CAMTA1: variants seen among roughly 807,000 people sequenced by gnomAD.
CAMTA1 encodes calmodulin binding transcription activator 1, also known as calmodulin-binding transcription activator 1.
A neutral mutation model predicts 170.9 loss-of-function variants in CAMTA1; 27 were observed. That is an observed-to-expected ratio of 0.16 (90% CI 0.12 to 0.22). The LOEUF (loss-of-function observed/expected upper bound fraction) is 0.22. Among genes scored for constraint, CAMTA1 ranks in the 10% least tolerant of loss-of-function variants. The probability of loss-of-function intolerance (pLI) is 1.00; values close to 1 mark genes in which losing one functional copy is unlikely to be tolerated. For synonymous variants in CAMTA1, 833 were observed against 891.5 expected (o/e 0.93, Z 1.17); for missense variants, 1,619 against 2,217.2 (o/e 0.73, Z 5.42).
At chr1:6,909,922 C>T (rs1262504841) in intron 3 of CAMTA1, among the ~76,000 whole-genome samples, 1 of 152,230 alleles carries the variant, frequency 6.6e-6, no homozygotes, top group Non-Finnish European at 1.5e-5. Context: ...CCTGCCTCTG[C>T]ATGTACTTAG....
intron 5 of CAMTA1, among the ~76,000 whole-genome samples, chr1:7,335,124 T>TTGTGTGTGTGTG (rs577353689): frequency 5.2e-5 from 1 of 19,178 alleles, no homozygotes; most frequent in African/African-American, 2.0e-4. Context: ...AGCACAGCTT[T>TTGTGTGTGTGTG]TGTGTGTGTG....
In CAMTA1 at chr1:7,635,234, C is replaced by T. The variant is rs1378564907; in HGVS notation, c.511-5166C>T. Among the ~76,000 whole-genome samples, 1 of 152,178 alleles carries T rather than the reference C, an allele frequency of 6.6e-6. No homozygotes were observed. Among genetic ancestry groups the T allele is most frequent in the Non-Finnish European group, 1.5e-5 (1 of 68,030 alleles). On this transcript the variant is annotated intron_variant, in intron 6 of 22. Coordinates refer to ENST00000303635, the MANE Select transcript of CAMTA1 (RefSeq NM_015215.4). The surrounding 1 kb of genome is among the most constrained non-coding windows in gnomAD (Gnocchi z 4.4). ...TCTTCCCTCCCTGAACCCACAGGGCCTGACAGGGTGGTGAACCCCACGGAA... is the reference window on the plus strand; with the variant it reads ...TCTTCCCTCCCTGAACCCACAGGGCTTGACAGGGTGGTGAACCCCACGGAA...
chr1:7,752,487 C>G lies in CAMTA1; in HGVS notation c.4912C>G (p.Gln1638Glu), dbSNP rs778278187. The G allele has an allele frequency of 3.1e-6, 5 of 1,613,104 alleles. No homozygotes were observed. The highest frequency in any genetic ancestry group is 4.2e-6 in the Non-Finnish European group (5 of 1,179,638). The change falls in exon 21 of 23, where the codon CAA becomes GAA. Residue 1638 changes from glutamine to glutamate, a missense_variant. Physicochemically the swap from Gln to Glu is conservative, Grantham distance 29. This residue lies in a region of CAMTA1 where 128 missense variants were observed against 213.5 expected (regional missense o/e 0.60). Coordinates refer to ENST00000303635, the MANE Select transcript of CAMTA1 (RefSeq NM_015215.4). ...CAGTTTGCTAACCAAAAAGCAGGAT[C>G]AAGCTGCTCGAAAAATAATGAGGTT... is the stretch of plus-strand genomic sequence containing the variant. ...RSSLLTKKQD[Q>E]AARKIMRFLR...
Position 7,583,109 on chromosome 1 carries a change from C to T in CAMTA1, c.511-57291C>T, listed in dbSNP as rs565238057. On this transcript the variant is annotated intron_variant, in intron 6 of 22. Transcript: ENST00000303635. ...TGGGCACATCCCAGTGGTGAGGCAG[C>T]GCCCTGTCTTTATCAGCAGGGAGCA... Among the ~76,000 whole-genome samples the T allele has an allele frequency of 1.1e-4, 17 of 152,166 alleles. No homozygotes were observed. The East Asian group carries it at 2.5e-3, about 23-fold the overall frequency.
chr1:7,550,278 C>T (rs536825431), intron 6 of CAMTA1, among the ~76,000 whole-genome samples: 1 of 152,234 alleles, frequency 6.6e-6, no homozygotes, highest in South Asian at 2.1e-4. Flanking sequence ...TTTGGAGACC[C>T]TGGTCTGGGA....
chr1:7,337,496 TCA>T (rs1335525179), intron 5 of CAMTA1, among the ~76,000 whole-genome samples: 2 of 67,628 alleles, frequency 3.0e-5, no homozygotes, highest in Non-Finnish European at 5.5e-5. Flanking sequence ...CCTCATCCAA[TCA>T]CAGTGTGGGC....
rs1430636835 is a variant in CAMTA1 at position 7,050,249 on chromosome 1, G to A, written c.235-41055G>A. On this transcript the variant is annotated intron_variant, in intron 3 of 22. Transcript: ENST00000303635. This position sits in a 1 kb window ranked among gnomAD's most constrained non-coding sequence, Gnocchi z 4.8. ...CCTCCATGGTGGTGAAGGGCTGGGG[G>A]TAGGACCACAGCCTCCTTGTCTTGC... Among the ~76,000 whole-genome samples, 2 of 152,188 alleles carry A rather than the reference G, an allele frequency of 1.3e-5. No homozygotes were observed. Among genetic ancestry groups the A allele is most frequent in the African/African-American group, 4.8e-5 (2 of 41,442 alleles).
intron 5 of CAMTA1, chr1:7,382,664 C>T (rs1448330561): frequency 6.6e-6 from 1 of 152,228 alleles, no homozygotes; most frequent in Non-Finnish European, 1.5e-5. Flanking sequence ...GACTCAAACC[C>T]AGATCCCTCC....
At chr1:7,495,719 G>A (rs1236893412) in intron 6 of CAMTA1, among the ~76,000 whole-genome samples, 1 of 152,218 alleles carries the variant, frequency 6.6e-6, no homozygotes, top group Non-Finnish European at 1.5e-5. Flanking sequence ...GGTGCGGAAT[G>A]AAAATTCCTA....
chr1:7,436,397 G>C (rs1158789202), intron 5 of CAMTA1, among the ~76,000 whole-genome samples: 1 of 152,220 alleles, frequency 6.6e-6, no homozygotes, highest in Non-Finnish European at 1.5e-5. Flanking sequence ...CCAGGCAGCA[G>C]ACTTAATGCT....
chr1:7,486,003 A>G (rs1351851255), intron 6 of CAMTA1, among the ~76,000 whole-genome samples: 3 of 152,234 alleles, frequency 2.0e-5, no homozygotes, highest in African/African-American at 7.2e-5. Context: ...TTAATTAGAT[A>G]AAAGATCATT....
chr1:6,909,590 T>C (rs1679281639), intron 3 of CAMTA1, among the ~76,000 whole-genome samples: 2 of 152,152 alleles, frequency 1.3e-5, no homozygotes. Flanking sequence ...CTGTATGGGA[T>C]TGGCGCAGCC....
In CAMTA1 at chr1:7,297,957, C is replaced by G. The variant is rs140344509; in HGVS notation, c.438+48331C>G. Reference sequence around the variant, plus strand: ...CAATATCTATTTGGTTTAATGTTTACCATTCCTTCCCATTCCCTATACCAG... The same window carrying G: ...CAATATCTATTTGGTTTAATGTTTAGCATTCCTTCCCATTCCCTATACCAG... On this transcript the variant is annotated intron_variant, in intron 5 of 22. Coordinates refer to ENST00000303635, the MANE Select transcript of CAMTA1 (RefSeq NM_015215.4). Among the ~76,000 whole-genome samples the G allele has an allele frequency of 6.0e-3, 909 of 152,300 alleles. 13 individuals carry two copies. Among genetic ancestry groups the G allele is most frequent in the African/African-American group, 0.021 (852 of 41,546 alleles).
At chr1:7,651,754 A>G (rs1194718016) in intron 7 of CAMTA1, among the ~76,000 whole-genome samples, 1 of 152,270 alleles carries the variant, frequency 6.6e-6, no homozygotes, top group Non-Finnish European at 1.5e-5. Flanking sequence ...TGAAGAAACT[A>G]AGATCCAGAG....
chr1:7,473,642 A>G (rs1037634796), intron 6 of CAMTA1, among the ~76,000 whole-genome samples: 1 of 152,164 alleles, frequency 6.6e-6, no homozygotes, highest in Non-Finnish European at 1.5e-5. Flanking sequence ...GGGCCCCCTC[A>G]CTGCTGAAGA....
intron 5 of CAMTA1, among the ~76,000 whole-genome samples, chr1:7,445,960 C>T (rs2092669781): frequency 6.6e-6 from 1 of 152,048 alleles, no homozygotes. Flanking sequence ...GCCACAGATG[C>T]CTGGCGTGAC....
Position 7,664,916 on chromosome 1 carries a change from T to C in CAMTA1, c.2369T>C (p.Ile790Thr). ...TCCGTGGAGGGGGGCAGCAGCACCATCTATGGGCACCAGCTGGTGTCGGGG... is the reference window on the plus strand; with the variant it reads ...TCCGTGGAGGGGGGCAGCAGCACCACCTATGGGCACCAGCTGGTGTCGGGG... ...FISVEGGSSTIYGHQLVSGDS... is the reference protein window; with the variant it reads ...FISVEGGSSTTYGHQLVSGDS... Residue 790 changes from isoleucine (I) to threonine (T), a missense_variant, in exon 9 of 23, where the codon ATC becomes ACC. Ile to Thr is a moderately conservative substitution (Grantham distance 89). Transcript: ENST00000303635. 6.2e-7 allele frequency: 1 copy of C among 1,613,106 alleles called. No individual in the cohort carries two copies. The highest frequency in any genetic ancestry group is 8.5e-7 in the Non-Finnish European group (1 of 1,179,966).
At chr1:7,727,224 G>A (rs560307021) in intron 11 of CAMTA1, among the ~76,000 whole-genome samples, 3 of 150,058 alleles carry the variant, frequency 2.0e-5, no homozygotes, top group South Asian at 2.1e-4. Flanking sequence ...CTGGGTTCAC[G>A]CCATTCTCCT....
At chr1:7,317,116 G>C (rs1260933428) in intron 5 of CAMTA1, among the ~76,000 whole-genome samples, 1 of 152,184 alleles carries the variant, frequency 6.6e-6, no homozygotes, top group Non-Finnish European at 1.5e-5. Context: ...ACACTGTGAA[G>C]GGAAGTTGCT....
Sources: gnomAD v4.1 joint callset for allele counts (sites outside exome capture counted in the v4.1 genomes callset) on GRCh38, gnomAD v4.1.1 for gene constraint, gnomAD v4.1.1 regional missense constraint, Gnocchi (gnomAD v3.1) non-coding constraint, MANE v1.5 for transcripts, NCBI Gene and HGNC (gene_info 2026-07-23, HGNC 2026-07-21) for gene names.